Variants in ADRA1B observed in about 807,000 individuals in gnomAD.
ADRA1B encodes the protein adrenoceptor alpha 1B, also known as alpha-1B adrenergic receptor.
In ADRA1B, 17 loss-of-function variants were observed where a neutral mutation model predicts 17.9. The observed-to-expected ratio is 0.95, with a 90% CI of 0.65 to 1.42. ADRA1B has a LOEUF of 1.42. ADRA1B is among the 40% of genes most tolerant of loss of function. The pLI, the probability that ADRA1B is intolerant of heterozygous loss-of-function variation, is 0.00. For synonymous variants in ADRA1B, 366 were observed against 327.6 expected, an observed-to-expected ratio of 1.12 and a Z score of -1.27; for missense variants, 681 against 722.1, an observed-to-expected ratio of 0.94 and a Z score of 0.65.
chr5:159,919,175 TGCAG>T (rs1376117409), intron 1 of ADRA1B, among the ~76,000 whole-genome samples: 1 of 152,218 alleles, frequency 6.6e-6, no homozygotes, highest in Non-Finnish European at 1.5e-5. Flanking sequence ...AAAGCAGGCC[TGCAG>T]GCTAATGCCT....
intron 1 of ADRA1B, among the ~76,000 whole-genome samples, chr5:159,885,759 G>A (rs534648547): frequency 6.6e-6 from 1 of 152,298 alleles, no homozygotes; most frequent in African/African-American, 2.4e-5. Flanking sequence ...GCCACTTTGA[G>A]CTGGAGGTTT....
At chr5:159,942,107 A>G (rs1755148562) in intron 1 of ADRA1B, among the ~76,000 whole-genome samples, 1 of 151,976 alleles carries the variant, frequency 6.6e-6, no homozygotes, top group South Asian at 2.1e-4. Context: ...TATTTTTAGT[A>G]GAGATGGGGT....
chr5:159,932,154 T>C (rs946107965), intron 1 of ADRA1B, among the ~76,000 whole-genome samples: 35 of 152,116 alleles, frequency 2.3e-4, no homozygotes, highest in Non-Finnish European at 3.7e-4. Flanking sequence ...CCTTTTTTTC[T>C]TTTCTTTTTT....
At chr5:159,889,883 C>T (rs182740956) in intron 1 of ADRA1B, among the ~76,000 whole-genome samples, 3 of 152,300 alleles carry the variant, frequency 2.0e-5, no homozygotes, top group African/African-American at 7.2e-5. Flanking sequence ...TGTTTTATAA[C>T]CAGAGATCTT....
intron 1 of ADRA1B, among the ~76,000 whole-genome samples, chr5:159,934,053 G>A (rs1259468478): frequency 6.6e-5 from 10 of 152,172 alleles, no homozygotes; most frequent in Non-Finnish European, 1.0e-4. Flanking sequence ...CCAGACTCAC[G>A]AATTGAAAAC....
At chr5:159,867,742 C>T (rs1753676909) in intron 1 of ADRA1B, 1 of 152,252 alleles carries the variant, frequency 6.6e-6, no homozygotes, top group East Asian at 1.9e-4. Flanking sequence ...CCATTATTTC[C>T]TTTGACCACA....
chr5:159,964,926 C>G (rs900411263), intron 1 of ADRA1B, among the ~76,000 whole-genome samples: 1 of 152,152 alleles, frequency 6.6e-6, no homozygotes, highest in African/African-American at 2.4e-5. Flanking sequence ...ACTTACCAAG[C>G]CTGAGCTCAC....
chr5:159,885,784 A>G (rs1169824714), intron 1 of ADRA1B, among the ~76,000 whole-genome samples: 4 of 152,236 alleles, frequency 2.6e-5, no homozygotes, highest in Non-Finnish European at 5.9e-5. Context: ...AGCTGCAACG[A>G]AAAACATCCC....
At chr5:159,963,394 A>T (rs1028513332) in intron 1 of ADRA1B, among the ~76,000 whole-genome samples, 2 of 151,260 alleles carry the variant, frequency 1.3e-5, no homozygotes, top group Non-Finnish European at 2.9e-5. Flanking sequence ...CCTATATTTA[A>T]ATTCTAACTC....
At chr5:159,951,200 G>A (rs1355959971) in intron 1 of ADRA1B, 21 of 780,308 alleles carry the variant, frequency 2.7e-5, no homozygotes, top group Admixed American at 1.5e-4. Context: ...GGTGAAAGAC[G>A]CTGGTGGACT....
At chr5:159,921,853 T>C (rs909828612) in intron 1 of ADRA1B, among the ~76,000 whole-genome samples, 1 of 152,228 alleles carries the variant, frequency 6.6e-6, no homozygotes, top group African/African-American at 2.4e-5. Context: ...TTCTCAGAGA[T>C]GACTCAAGAC....
chr5:159,984,620 G>A, the ADRA1B span, among the ~76,000 whole-genome samples: 30 of 152,138 alleles, frequency 2.0e-4, 1 homozygote, highest in African/African-American at 6.0e-4. Flanking sequence ...AAATGAGGCC[G>A]GACGTGGTAG....
chr5:159,980,900 C>T, the ADRA1B span, among the ~76,000 whole-genome samples: 15 of 151,754 alleles, frequency 9.9e-5, no homozygotes, highest in Non-Finnish European at 2.1e-4. Context: ...CTTCAACTCT[C>T]CTGAGATAAG....
At chr5:159,951,022 C>A in intron 1 of ADRA1B, 1 of 683,648 alleles carries the variant, frequency 1.5e-6, no homozygotes. Context: ...TGACCTCGCC[C>A]AGGGGCACTA....
At chr5:159,880,480 T>C (rs1333228027) in intron 1 of ADRA1B, among the ~76,000 whole-genome samples, 1 of 152,142 alleles carries the variant, frequency 6.6e-6, no homozygotes, top group Admixed American at 6.6e-5. Flanking sequence ...CAAGATGAAA[T>C]GTGAATTCAA....
chr5:159,897,744 C>A (rs1479522927), intron 1 of ADRA1B, among the ~76,000 whole-genome samples: 2 of 152,164 alleles, frequency 1.3e-5, no homozygotes, highest in Non-Finnish European at 2.9e-5. Flanking sequence ...AATCCCAGTG[C>A]CCTCATCTGT....
intron 1 of ADRA1B, among the ~76,000 whole-genome samples, chr5:159,930,794 G>A (rs2113199160): frequency 6.6e-6 from 1 of 151,750 alleles, no homozygotes. Context: ...TATTTCACAT[G>A]GTGCAATAAG....
intron 1 of ADRA1B, among the ~76,000 whole-genome samples, chr5:159,958,998 G>T (rs1315524030): frequency 1.3e-5 from 2 of 152,234 alleles, no homozygotes; most frequent in Non-Finnish European, 2.9e-5. Flanking sequence ...CTCCCCTACT[G>T]GAAGTTGGAA....
intron 1 of ADRA1B, among the ~76,000 whole-genome samples, chr5:159,923,174 C>T (rs978104740): frequency 3.9e-5 from 6 of 152,258 alleles, no homozygotes; most frequent in African/African-American, 9.6e-5. Context: ...AGGCCAGAGG[C>T]GTGGGCAGAG....
Sources: allele counts gnomAD v4.1 joint callset (sites outside exome capture counted in the v4.1 genomes callset), GRCh38; gene constraint gnomAD v4.1.1; transcripts MANE v1.5; gene names NCBI Gene and HGNC (gene_info 2026-07-23, HGNC 2026-07-21).